PPM1H: variants seen among roughly 807,000 people sequenced by gnomAD.
PPM1H encodes the protein protein phosphatase, Mg2+/Mn2+ dependent 1H, also known as protein phosphatase 1H.
A neutral mutation model predicts 54.9 loss-of-function variants in PPM1H; 27 were observed. The ratio of observed to expected loss-of-function variants is 0.49; its 90% CI spans 0.36 to 0.68. The LOEUF (loss-of-function observed/expected upper bound fraction) is 0.68, where lower values mean the gene tolerates loss of function less well. Ranked by LOEUF, PPM1H falls within the 30% of genes least tolerant of loss-of-function variation. The probability of loss-of-function intolerance (pLI) is 0.00; values close to 1 mark genes in which losing one functional copy is unlikely to be tolerated. For synonymous variants in PPM1H, 305 were observed against 270.8 expected, an observed-to-expected ratio of 1.13 and a Z score of -1.24; for missense variants, 596 against 667.8, an observed-to-expected ratio of 0.89 and a Z score of 1.19.
chr12:62,807,320 G>T (rs1415351695), intron 2 of PPM1H, among the ~76,000 whole-genome samples: 1 of 152,188 alleles, frequency 6.6e-6, no homozygotes, highest in Non-Finnish European at 1.5e-5. Context: ...GATTAGAAAA[G>T]AAATAAGGGT....
chr12:62,668,066 C>T (rs2075930246), intron 8 of PPM1H, among the ~76,000 whole-genome samples: 1 of 152,186 alleles, frequency 6.6e-6, no homozygotes, highest in Non-Finnish European at 1.5e-5. Context: ...AGTCTTTCCT[C>T]ATGTCTAGTA....
In PPM1H at chr12:62,788,329, T is replaced by A. The variant is rs377085423; in HGVS notation, c.766A>T (p.Ile256Leu). ...TTATATGAACTCCTCTCTCGTTCTA[T>A]CTGTAGGTCCTGGAGAATAAAACAG... ...ESAFKEMDLQ[I>L]ERERSSYNIS... Residue 256 changes from isoleucine (I) to leucine (L), a missense_variant, in exon 4 of 10, where the codon ATA (isoleucine) becomes TTA (leucine). By Grantham distance (5) the Ile-to-Leu change is conservative. Coordinates refer to ENST00000228705, the MANE Select transcript of PPM1H (RefSeq NM_020700.2). 3.5e-5 allele frequency: 54 copies of A among 1,560,648 alleles called. No homozygotes were observed. The highest frequency in any genetic ancestry group is 4.4e-5 in the Non-Finnish European group (51 of 1,146,650).
intron 1 of PPM1H, among the ~76,000 whole-genome samples, chr12:62,839,345 A>T (rs1868634863): frequency 6.6e-6 from 1 of 152,194 alleles, no homozygotes; most frequent in South Asian, 2.1e-4. Context: ...TTGATATTTT[A>T]AAATTTTTGT....
chr12:62,710,840 C>T (rs1250407819), intron 6 of PPM1H, among the ~76,000 whole-genome samples: 6 of 152,310 alleles, frequency 3.9e-5, no homozygotes, highest in African/African-American at 1.4e-4. Context: ...AGACTGTAGA[C>T]CTCCTGAGGC....
chr12:62,652,486 G>C (rs1308668417), intron 9 of PPM1H, among the ~76,000 whole-genome samples: 1 of 152,192 alleles, frequency 6.6e-6, no homozygotes, highest in Non-Finnish European at 1.5e-5. Flanking sequence ...AAAACTGGTA[G>C]ACCTGTACCT....
intron 4 of PPM1H, among the ~76,000 whole-genome samples, chr12:62,785,756 G>C (rs996455819): frequency 6.6e-6 from 1 of 151,916 alleles, no homozygotes; most frequent in African/African-American, 2.4e-5. Context: ...CAGATTCCAG[G>C]ACAGAGGACT....
intron 7 of PPM1H, among the ~76,000 whole-genome samples, chr12:62,692,963 A>ACACACACT (rs55900787): frequency 6.7e-6 from 1 of 149,286 alleles, no homozygotes; most frequent in African/African-American, 2.5e-5. Context: ...ACACACACAC[A>ACACACACT]CTCTGCCCAT....
At chr12:62,864,334 C>T (rs1040584280) in intron 1 of PPM1H, among the ~76,000 whole-genome samples, 8 of 152,098 alleles carry the variant, frequency 5.3e-5, no homozygotes, top group African/African-American at 1.9e-4. Flanking sequence ...AAGGTAAGAA[C>T]TAATATTGGT....
intron 1 of PPM1H, among the ~76,000 whole-genome samples, chr12:62,905,356 A>T (rs976846499): frequency 1.3e-5 from 2 of 152,194 alleles, no homozygotes; most frequent in African/African-American, 4.8e-5. Context: ...GGAAGATAGA[A>T]GATGTTCATG....
At position 62,788,251 on chromosome 12, in the gene PPM1H, A is replaced by G. The variant is rs1286806690; in HGVS notation, c.844T>C (p.Tyr282His). 1 of 1,598,532 alleles carries G rather than the reference A, an allele frequency of 6.3e-7. No homozygotes were observed. ...CTGCTATCCCCAGCATTTGCAACAT[A>G]CAGCTTCCCCAAAAGGCAAATCACA... is the stretch of plus-strand genomic sequence containing the variant. ...LIVICLLGKL[Y>H]VANAGDSRAI... is the part of the protein sequence containing the mutation. Residue 282 changes from tyrosine to histidine, a missense_variant, in exon 4 of 10, where the codon TAT becomes CAT. Physicochemically the swap from Tyr to His is moderately conservative, Grantham distance 83. This residue lies in a region of PPM1H where 382 missense variants were observed against 387.1 expected (regional missense o/e 0.99). Coordinates refer to ENST00000228705, the MANE Select transcript of PPM1H (RefSeq NM_020700.2).
intron 1 of PPM1H, among the ~76,000 whole-genome samples, chr12:62,926,746 G>T (rs1055256132): frequency 6.6e-5 from 10 of 152,228 alleles, no homozygotes; most frequent in Middle Eastern, 3.4e-3. Context: ...CCTGAGGTTG[G>T]GAGCTTGAGA....
chr12:62,647,487 A>C lies in PPM1H; in HGVS notation c.*1002T>G, dbSNP rs559862313. ...CCATGGTGAACCAACAGATGCAAGCAACTTCTTAAACTGCTCTATTAAACA... is the reference window on the plus strand; with the variant it reads ...CCATGGTGAACCAACAGATGCAAGCCACTTCTTAAACTGCTCTATTAAACA... On this transcript the variant is annotated 3_prime_UTR_variant, in exon 10 of 10. Coordinates refer to ENST00000228705, the MANE Select transcript of PPM1H (RefSeq NM_020700.2). 1 of 152,332 alleles carries C rather than the reference A, an allele frequency of 6.6e-6. No individual in the cohort carries two copies. Among genetic ancestry groups the C allele is most frequent in the Non-Finnish European group, 1.5e-5 (1 of 68,060 alleles). The allele number at this position is 152,332 out of a possible 1,614,324, so 9.4% of individuals were successfully genotyped here. A position where few individuals can be genotyped will look rare whatever the true frequency, so the allele number is the denominator to read the frequency against.
In PPM1H at chr12:62,845,537, T is replaced by C. The variant is rs1368458313; in HGVS notation, c.246-13258A>G. ...TGAGGTATGGAAAGTCTTGTAAAAA[T>C]GGAAATTTCATTGACTTGACTTCCT... On this transcript the variant is annotated intron_variant, in intron 1 of 9. Coordinates refer to ENST00000228705, the MANE Select transcript of PPM1H (RefSeq NM_020700.2). 3.3e-5 allele frequency among the ~76,000 whole-genome samples: 5 copies of C among 152,294 alleles called. No homozygotes were observed. In the East Asian group the frequency reaches 9.7e-4, roughly 29 times the overall value.
chr12:62,713,877 G>T (rs2076221356), intron 6 of PPM1H, among the ~76,000 whole-genome samples: 1 of 152,062 alleles, frequency 6.6e-6, no homozygotes, highest in Non-Finnish European at 1.5e-5. Flanking sequence ...GCTGAGGTGG[G>T]AGATCACTTG....
intron 3 of PPM1H, among the ~76,000 whole-genome samples, chr12:62,798,356 A>G (rs1221906081): frequency 6.6e-6 from 1 of 152,214 alleles, no homozygotes; most frequent in African/African-American, 2.4e-5. Context: ...ACCTGTGGAG[A>G]TATTCAACCA....
At position 62,693,869 on chromosome 12, in the gene PPM1H, G is replaced by A. The variant is rs1171154142; in HGVS notation, c.1137+67C>T. ...CTGAGTGGAACACACGGACTGCCAC[G>A]GGCTATGTGGAGCGAAGGCGGGACA... is the stretch of plus-strand genomic sequence containing the variant. On this transcript the variant is annotated intron_variant, in intron 7 of 9. Transcript: ENST00000228705. The A allele has an allele frequency of 4.9e-6, 7 of 1,418,184 alleles. No individual in the cohort carries two copies. In the Admixed American group the frequency reaches 5.5e-5, roughly 11 times the overall value. 87.9% of individuals were successfully genotyped at this position (1,418,184 alleles called of 1,614,324 possible). A position where few individuals can be genotyped will look rare whatever the true frequency, so the allele number is the denominator to read the frequency against.
At chr12:62,895,524 A>G (rs536116634) in intron 1 of PPM1H, among the ~76,000 whole-genome samples, 1 of 152,240 alleles carries the variant, frequency 6.6e-6, no homozygotes, top group East Asian at 1.9e-4. Context: ...CGGTTTGCAT[A>G]GGGTTTGTTT....
intron 5 of PPM1H, among the ~76,000 whole-genome samples, chr12:62,733,481 A>C (rs1210087295): frequency 6.6e-6 from 1 of 151,884 alleles, no homozygotes; most frequent in Non-Finnish European, 1.5e-5. Context: ...CTGGTCTCGA[A>C]CTCCTGACCT....
chr12:62,653,898 C>T (rs10877904), intron 9 of PPM1H, among the ~76,000 whole-genome samples: 31,652 of 151,878 alleles, frequency 0.21, 3,534 homozygotes, highest in Middle Eastern at 0.3. Flanking sequence ...GTTAAACCCT[C>T]TAAAATAACA....
Sources: allele counts gnomAD v4.1 joint callset (sites outside exome capture counted in the v4.1 genomes callset), GRCh38; gene constraint gnomAD v4.1.1; regional missense constraint gnomAD v4.1.1; transcripts MANE v1.5; gene names NCBI Gene and HGNC (gene_info 2026-07-23, HGNC 2026-07-21).